ME1: variants seen among roughly 807,000 people sequenced by gnomAD.
The protein encoded by ME1 is NADP-dependent malic enzyme.
ME1 carries 74 observed loss-of-function variants against 66.4 expected under a neutral mutation model. The observed-to-expected ratio is 1.11, with a 90% CI of 0.92 to 1.35. ME1 has a LOEUF of 1.35. ME1 is among the 40% of genes most tolerant of loss of function. The pLI, the probability that ME1 is intolerant of heterozygous loss-of-function variation, is 0.00. For synonymous variants in ME1, 251 were observed against 235.6 expected (o/e 1.07, Z -0.60); for missense variants, 750 against 694.1 (o/e 1.08, Z -0.90).
At chr6:83,261,735 C>T (rs148474308) in intron 6 of ME1, among the ~76,000 whole-genome samples, 30 of 152,006 alleles carry the variant, frequency 2.0e-4, no homozygotes, top group Middle Eastern at 3.4e-3. Context: ...AAGCATAGGC[C>T]GGGCGCGGTG....
chr6:83,334,307 A>C (rs1316784102), intron 5 of ME1, among the ~76,000 whole-genome samples: 1 of 126,856 alleles, frequency 7.9e-6, no homozygotes, highest in African/African-American at 3.0e-5. Flanking sequence ...CCTGGCTCAG[A>C]GGGTCCTACG....
intron 1 of ME1, among the ~76,000 whole-genome samples, chr6:83,420,915 T>C (rs145034434): frequency 1.2e-3 from 190 of 152,254 alleles, no homozygotes; most frequent in African/African-American, 4.3e-3. Flanking sequence ...TTTTGTTTTT[T>C]GTTTTTTTGT....
At chr6:83,381,197 T>C (rs1262209204) in intron 3 of ME1, among the ~76,000 whole-genome samples, 1 of 152,032 alleles carries the variant, frequency 6.6e-6, no homozygotes, top group Admixed American at 6.6e-5. Context: ...AATAATATTT[T>C]AATTAAAAAA....
intron 6 of ME1, among the ~76,000 whole-genome samples, chr6:83,276,405 G>A (rs1051215004): frequency 1.3e-5 from 2 of 152,200 alleles, no homozygotes; most frequent in African/African-American, 4.8e-5. Context: ...CAGGAAAGTA[G>A]TTGTGATGCA....
chr6:83,354,414 G>C (rs1369406275), intron 3 of ME1, among the ~76,000 whole-genome samples: 1 of 152,214 alleles, frequency 6.6e-6, no homozygotes, highest in Non-Finnish European at 1.5e-5. Context: ...TTATAGGCGT[G>C]AGCTACGGCA....
At chr6:83,314,185 T>TG (rs1163499278) in intron 6 of ME1, among the ~76,000 whole-genome samples, 2 of 152,082 alleles carry the variant, frequency 1.3e-5, no homozygotes, top group African/African-American at 4.8e-5. Flanking sequence ...GTCTCTTTTC[T>TG]GAAAAAAAAT....
Position 83,352,150 on chromosome 6 carries a change from A to AAG in ME1, c.363-12_363-11insCT. 6.9e-7 allele frequency: 1 copy of AAG among 1,459,148 alleles called. No individual in the cohort carries two copies. The allele number at this position is 1,459,148 out of a possible 1,614,324, so 90.4% of individuals were successfully genotyped here. A position where few individuals can be genotyped will look rare whatever the true frequency, so the allele number is the denominator to read the frequency against. ...GTAATAAAGAGACCTCTGCAGAAAA[A>AAG]AAAAAAAAAAAAGGAGTAGTTTACA... On this transcript the variant is annotated splice_polypyrimidine_tract_variant and intron_variant, in intron 3 of 13. Coordinates refer to ENST00000369705, the MANE Select transcript of ME1 (RefSeq NM_002395.6).
chr6:83,365,093 TG>T (rs769348535), intron 3 of ME1, among the ~76,000 whole-genome samples: 22 of 152,146 alleles, frequency 1.4e-4, no homozygotes, highest in Non-Finnish European at 5.9e-5. Context: ...CCAACCTATG[TG>T]GGTGTTCTTT....
rs368621149 is a variant in ME1, at chr6:83,346,919, C to CTCCT, written c.439-589_439-586dup. 2.2e-3 allele frequency among the ~76,000 whole-genome samples: 329 copies of CTCCT among 151,568 alleles called. 2 individuals are homozygous for CTCCT. The highest frequency in any genetic ancestry group is 0.01 in the Middle Eastern group (3 of 294). ...ACTAGACTTAATGAATTTTGTCTTTCTCCTTCCTTCCTTCCTTCCTTCTTT... is the reference window on the plus strand; with the variant it reads ...ACTAGACTTAATGAATTTTGTCTTTCTCCTTCCTTCCTTCCTTCCTTCCTTCTTT... On this transcript the variant is annotated intron_variant, in intron 4 of 13. Transcript: ENST00000369705.
chr6:83,283,564 T>G (rs1232569826), intron 6 of ME1, among the ~76,000 whole-genome samples: 1 of 151,992 alleles, frequency 6.6e-6, no homozygotes, highest in Non-Finnish European at 1.5e-5. Flanking sequence ...GTTCTGCACA[T>G]GTATCCCAGA....
chr6:83,271,108 G>C (rs1450434752), intron 6 of ME1, among the ~76,000 whole-genome samples: 1 of 151,650 alleles, frequency 6.6e-6, no homozygotes, highest in Non-Finnish European at 1.5e-5. Context: ...AAAATGAAAA[G>C]GTCTCAAGAC....
At chr6:83,347,927 C>T (rs1425168242) in intron 4 of ME1, among the ~76,000 whole-genome samples, 1 of 152,154 alleles carries the variant, frequency 6.6e-6, no homozygotes, top group Non-Finnish European at 1.5e-5. Context: ...CAGAAACCCA[C>T]ATATGTTAAT....
rs766000281 is a variant in ME1, at chr6:83,212,012, A to C, written c.1631T>G (p.Met544Arg). ...QNKEAFVRSQMYSTDYDQILP... is the reference protein window; with the variant it reads ...QNKEAFVRSQRYSTDYDQILP... ...AATCTGGTCATAATCAGTACTATAC[A>C]TCTGGGAGCGGACAAATGCTTCTTT... Residue 544 changes from methionine to arginine, a missense_variant, in exon 14 of 14, where the codon ATG becomes AGG. Coordinates refer to ENST00000369705, the MANE Select transcript of ME1 (RefSeq NM_002395.6). 1.9e-6 allele frequency: 3 copies of C among 1,613,242 alleles called. 1 individual carries two copies. In the South Asian group the frequency reaches 3.3e-5, roughly 18 times the overall value.
intron 2 of ME1, among the ~76,000 whole-genome samples, chr6:83,405,653 G>A (rs1427552357): frequency 6.6e-6 from 1 of 151,702 alleles, no homozygotes; most frequent in East Asian, 1.9e-4. Context: ...GTCATAAACA[G>A]CTCTTACTAT....
At chr6:83,348,686 TAA>T (rs538722681) in intron 4 of ME1, among the ~76,000 whole-genome samples, 26 of 140,476 alleles carry the variant, frequency 1.9e-4, no homozygotes, top group Admixed American at 4.3e-4. Flanking sequence ...TCTTGAACAT[TAA>T]AAAAAAAAAA....
rs138869446 is a variant in ME1, at chr6:83,348,749, A to T, written c.439-2415T>A. On this transcript the variant is annotated intron_variant, in intron 4 of 13. Transcript: ENST00000369705. ...GCTTATAATCCCAGCACACTTTGGG[A>T]GGCCGAGATGGGCGGATCACCTGAG... Among the ~76,000 whole-genome samples, 1,150 of 151,720 alleles carry T rather than the reference A, an allele frequency of 7.6e-3. 17 individuals carry two copies. Among genetic ancestry groups the T allele is most frequent in the African/African-American group, 0.026 (1,059 of 41,336 alleles).
In ME1 at chr6:83,352,150, A is replaced by C. The variant is rs912856385; in HGVS notation, c.363-11T>G. 4.8e-6 allele frequency: 7 copies of C among 1,459,036 alleles called. No homozygotes were observed. In the Admixed American group the frequency reaches 7.4e-5, roughly 15 times the overall value. The allele number at this position is 1,459,036 out of a possible 1,614,324, so 90.4% of individuals were successfully genotyped here. On this transcript the variant is annotated splice_polypyrimidine_tract_variant and intron_variant, in intron 3 of 13. Coordinates refer to ENST00000369705, the MANE Select transcript of ME1 (RefSeq NM_002395.6). ...GTAATAAAGAGACCTCTGCAGAAAA[A>C]AAAAAAAAAAAAGGAGTAGTTTACA...
chr6:83,275,464 CTTTTTTTTT>C (rs767009219), intron 6 of ME1, among the ~76,000 whole-genome samples: 1 of 119,726 alleles, frequency 8.4e-6, no homozygotes, highest in African/African-American at 3.5e-5. Context: ...TAGTTTTGAT[CTTTTTTTTT>C]TTTTTTTTTT....
chr6:83,400,071 A>T (rs1769811700), intron 2 of ME1, among the ~76,000 whole-genome samples: 5 of 152,090 alleles, frequency 3.3e-5, no homozygotes, highest in African/African-American at 9.7e-5. Flanking sequence ...TCATATTCTC[A>T]TGGTTTTCCT....
Sources: allele counts gnomAD v4.1 joint callset (sites outside exome capture counted in the v4.1 genomes callset), GRCh38; gene constraint gnomAD v4.1.1; transcripts MANE v1.5; gene names NCBI Gene and HGNC (gene_info 2026-07-23, HGNC 2026-07-21).